The following WWOX variants were observed in gnomAD, a reference collection of about 807,000 sequenced individuals.
The protein encoded by WWOX is WW domain containing oxidoreductase, also known as WW domain-containing oxidoreductase.
WWOX carries 69 observed loss-of-function variants against 46.2 expected under a neutral mutation model. The observed-to-expected ratio is 1.49, with a 90% CI of 1.23 to 1.82. The LOEUF (loss-of-function observed/expected upper bound fraction) is 1.82. WWOX is among the 40% of genes most tolerant of loss of function. The pLI is 0.00. For missense variants in WWOX, 919 were observed against 542.6 expected (o/e 1.69, Z -6.89); for synonymous variants, 359 against 202.6 (o/e 1.77, Z -6.56).
intron 5 of WWOX, among the ~76,000 whole-genome samples, chr16:78,321,111 C>A (rs1421320392): frequency 2.0e-5 from 3 of 151,756 alleles, no homozygotes; most frequent in Admixed American, 1.3e-4. Context: ...TCTTTTAAAG[C>A]GTAGAAAAGT....
chr16:79,099,820 G>A (rs1056108794), intron 8 of WWOX, among the ~76,000 whole-genome samples: 1 of 152,134 alleles, frequency 6.6e-6, no homozygotes, highest in African/African-American at 2.4e-5. Context: ...GATCATTCAG[G>A]GTTAAATCAG....
intron 5 of WWOX, among the ~76,000 whole-genome samples, chr16:78,356,777 G>T (rs552758338): frequency 6.6e-6 from 1 of 152,264 alleles, no homozygotes; most frequent in East Asian, 1.9e-4. Context: ...AGCGACTCGG[G>T]AGGCTGAGGC....
intron 8 of WWOX, among the ~76,000 whole-genome samples, chr16:78,509,924 T>TAAAAAA (rs59162697): frequency 3.5e-5 from 5 of 142,622 alleles, no homozygotes; most frequent in Non-Finnish European, 7.6e-5. Context: ...CTCATCTCTT[T>TAAAAAA]AAAAAAAAAA....
chr16:79,122,607 C>G (rs1597394245), intron 8 of WWOX, among the ~76,000 whole-genome samples: 1 of 151,920 alleles, frequency 6.6e-6, no homozygotes, highest in African/African-American at 2.4e-5. Flanking sequence ...TTTCCTCCCT[C>G]CCATACTCTC....
At chr16:78,137,175 C>A (rs537210822) in intron 4 of WWOX, among the ~76,000 whole-genome samples, 2 of 152,276 alleles carry the variant, frequency 1.3e-5, no homozygotes, top group South Asian at 4.1e-4. Context: ...ATGCCTTTTT[C>A]CTCCTGCAAC....
intron 8 of WWOX, among the ~76,000 whole-genome samples, chr16:79,063,708 G>GA (rs1445890802): frequency 6.6e-6 from 1 of 152,054 alleles, no homozygotes; most frequent in East Asian, 1.9e-4. Flanking sequence ...AAACCTCTGT[G>GA]AAAAATCCAC....
intron 5 of WWOX, among the ~76,000 whole-genome samples, chr16:78,223,796 T>C (rs2151800119): frequency 6.6e-6 from 1 of 152,266 alleles, no homozygotes; most frequent in African/African-American, 2.4e-5. Flanking sequence ...GCTGGCGTAA[T>C]GGCGGAGTTT....
intron 8 of WWOX, among the ~76,000 whole-genome samples, chr16:78,444,751 C>G (rs142700308): frequency 5.3e-5 from 8 of 151,952 alleles, no homozygotes; most frequent in African/African-American, 1.7e-4. Flanking sequence ...AGGATGGTCT[C>G]GATCTCCTGA....
At chr16:78,992,484 C>G (rs553194775) in intron 8 of WWOX, among the ~76,000 whole-genome samples, 1 of 152,176 alleles carries the variant, frequency 6.6e-6, no homozygotes, top group East Asian at 1.9e-4. Flanking sequence ...CAAAACAAAA[C>G]AAAAACAATT....
intron 8 of WWOX, among the ~76,000 whole-genome samples, chr16:78,704,232 C>G (rs1348038855): frequency 6.6e-6 from 1 of 151,998 alleles, no homozygotes; most frequent in Non-Finnish European, 1.5e-5. Context: ...AACAGTGCAA[C>G]CTACCTTAGC....
chr16:78,883,248 G>C (rs1320081704), intron 8 of WWOX, among the ~76,000 whole-genome samples: 1 of 152,134 alleles, frequency 6.6e-6, no homozygotes, highest in Non-Finnish European at 1.5e-5. Context: ...ACTTCAGCAA[G>C]CTCCTGAACC....
intron 8 of WWOX, among the ~76,000 whole-genome samples, chr16:78,675,700 C>A (rs759825057): frequency 5.3e-5 from 8 of 152,072 alleles, no homozygotes; most frequent in Non-Finnish European, 8.8e-5. Flanking sequence ...TCTGGCCAGG[C>A]GCAGTGGCTC....
At chr16:78,764,435 G>A (rs537280912) in intron 8 of WWOX, among the ~76,000 whole-genome samples, 6 of 151,024 alleles carry the variant, frequency 4.0e-5, no homozygotes, top group African/African-American at 1.5e-4. Context: ...TGGTATGGTA[G>A]GGAGGTGCTT....
At chr16:78,668,918 A>G (rs1053845633) in intron 8 of WWOX, among the ~76,000 whole-genome samples, 1 of 152,130 alleles carries the variant, frequency 6.6e-6, no homozygotes, top group Non-Finnish European at 1.5e-5. Flanking sequence ...GGGTATGCGA[A>G]CCTCTTCATG....
intron 5 of WWOX, among the ~76,000 whole-genome samples, chr16:78,374,718 T>G (rs1182294992): frequency 6.6e-6 from 1 of 151,878 alleles, no homozygotes; most frequent in East Asian, 1.9e-4. Context: ...CTGGCTAATT[T>G]TTTTTGTATT....
intron 8 of WWOX, among the ~76,000 whole-genome samples, chr16:78,848,439 C>T (rs1205337586): frequency 6.6e-6 from 1 of 152,172 alleles, no homozygotes; most frequent in African/African-American, 2.4e-5. Context: ...AAATGTAAGG[C>T]TCTGAGTGTT....
At chr16:78,631,356 C>A (rs1040792847) in intron 8 of WWOX, among the ~76,000 whole-genome samples, 11 of 152,066 alleles carry the variant, frequency 7.2e-5, no homozygotes, top group African/African-American at 2.7e-4. Flanking sequence ...TGGACAGGTC[C>A]AGCATCCATT....
intron 8 of WWOX, among the ~76,000 whole-genome samples, chr16:78,639,502 G>T (rs1340301284): frequency 6.6e-6 from 1 of 152,074 alleles, no homozygotes; most frequent in African/African-American, 2.4e-5. Flanking sequence ...AGTTGCCTCT[G>T]GGAGGACCTG....
At position 78,164,248 on chromosome 16, in the gene WWOX, GC is replaced by G; in HGVS notation, c.476del (p.Ala159GlufsTer11). ...AHVILACRNM[A>X]RASEAVSRIL... is the part of the protein sequence containing the mutation. ...TGTGATCTTGGCCTGCAGGAACATG[GC>G]AAGGGCGAGTGAAGCAGTGTCACGC... On this transcript the variant is annotated frameshift_variant, in exon 5 of 9. Coordinates refer to ENST00000566780, the MANE Select transcript of WWOX (RefSeq NM_016373.4). LOFTEE classifies it high-confidence loss of function. 1 of 1,614,138 alleles carries G rather than the reference GC, an allele frequency of 6.2e-7. No individual in the cohort carries two copies. Among genetic ancestry groups the G allele is most frequent in the Non-Finnish European group, 8.5e-7 (1 of 1,180,000 alleles).
Sources: gnomAD v4.1 joint callset for allele counts (sites outside exome capture counted in the v4.1 genomes callset) on GRCh38, gnomAD v4.1.1 for gene constraint, MANE v1.5 for transcripts, NCBI Gene and HGNC (gene_info 2026-07-23, HGNC 2026-07-21) for gene names.